The following PCNA variants were observed in gnomAD, a reference collection of about 807,000 sequenced individuals.
PCNA encodes the protein proliferating cell nuclear antigen, also known as DNA sliding clamp PCNA.
Under a neutral mutation model 27.8 loss-of-function variants are expected in PCNA, and 4 were observed. The ratio of observed to expected loss-of-function variants is 0.14; its 90% CI spans 0.07 to 0.33. PCNA has a LOEUF of 0.33. PCNA is among the 10% of genes least tolerant of loss of function. The probability of loss-of-function intolerance (pLI) is 1.00; values close to 1 mark genes in which losing one functional copy is unlikely to be tolerated. For missense variants in PCNA, 165 were observed against 327.4 expected (o/e 0.50, Z 3.83); for synonymous variants, 121 against 119.4 (o/e 1.01, Z -0.09).
At chr20:5,123,281 A>G (rs1436272980), upstream of PCNA, among the ~76,000 whole-genome samples, 1 of 152,232 alleles carries the variant, frequency 6.6e-6, no homozygotes, top group African/African-American at 2.4e-5. Context: ...GATGTGATCC[A>G]ATTTACATTT....
At chr20:5,124,825 T>C (rs910358170), upstream of PCNA, among the ~76,000 whole-genome samples, 6 of 145,682 alleles carry the variant, frequency 4.1e-5, no homozygotes, top group African/African-American at 1.4e-4. Context: ...ATGAGAAGTT[T>C]GTTCAGACCA....
upstream of PCNA, among the ~76,000 whole-genome samples, chr20:5,124,289 G>GT (rs1555778977): frequency 6.6e-6 from 1 of 152,096 alleles, no homozygotes; most frequent in Non-Finnish European, 1.5e-5. Flanking sequence ...GATCTCTAGG[G>GT]TTTTTTCCTA....
At chr20:5,117,913 G>A (rs2090486966) in intron 3 of PCNA, among the ~76,000 whole-genome samples, 1 of 152,212 alleles carries the variant, frequency 6.6e-6, no homozygotes, top group East Asian at 1.9e-4. Flanking sequence ...ATTAGAGTAT[G>A]GCACAGAAAT....
At chr20:5,115,989 C>T (rs372596740) in intron 4 of PCNA, among the ~76,000 whole-genome samples, 1 of 152,092 alleles carries the variant, frequency 6.6e-6, no homozygotes, top group East Asian at 1.9e-4. Flanking sequence ...CTCTCACCCC[C>T]GAAACAAAAC....
intron 4 of PCNA, 138 bp downstream of exon 4, chr20:5,117,332 C>T (rs1289410320): frequency 2.0e-5 from 13 of 643,628 alleles, no homozygotes; most frequent in South Asian, 6.1e-5. Context: ...ATAAATCATT[C>T]GCAGATTTCA....
chr20:5,116,552 T>C (rs990019037), intron 4 of PCNA, among the ~76,000 whole-genome samples: 7 of 152,264 alleles, frequency 4.6e-5, no homozygotes, highest in Non-Finnish European at 7.3e-5. Flanking sequence ...ACACAGCATA[T>C]GCTAAGCTCT....
intron 4 of PCNA, among the ~76,000 whole-genome samples, chr20:5,116,891 T>C (rs1458255874): frequency 6.6e-6 from 1 of 152,218 alleles, no homozygotes; most frequent in Non-Finnish European, 1.5e-5. Flanking sequence ...GCTCTCTAGG[T>C]ACTCTCAAAG....
At position 5,115,164 on chromosome 20, in the gene PCNA, A is replaced by T; in HGVS notation, c.*119T>A. 1 of 656,536 alleles carries T rather than the reference A, an allele frequency of 1.5e-6. No individual in the cohort carries two copies. The allele number at this position is 656,536 out of a possible 1,614,324, so 40.7% of individuals were successfully genotyped here. The stretch of plus-strand genomic sequence containing the variant: ...AAAAATAGGTTATTTACAGAAAACA[A>T]TATCTACATATGTACTTAGAGGTAC... On this transcript the variant is annotated 3_prime_UTR_variant, in exon 6 of 6. Coordinates refer to ENST00000379143, the MANE Select transcript of PCNA (RefSeq NM_182649.2).
intron 4 of PCNA, 92 bp from the exon 5 acceptor site, chr20:5,115,664 A>G (rs1296764310): frequency 7.3e-6 from 8 of 1,091,568 alleles, no homozygotes; most frequent in African/African-American, 6.4e-5. Context: ...AAACACTTGT[A>G]TTGGTCACTT....
chr20:5,115,860 A>G (rs2090471186), intron 4 of PCNA, among the ~76,000 whole-genome samples: 1 of 152,168 alleles, frequency 6.6e-6, no homozygotes, highest in Non-Finnish European at 1.5e-5. Flanking sequence ...AGCTCTGCAA[A>G]CTCTAATTAA....
upstream of PCNA, among the ~76,000 whole-genome samples, chr20:5,120,572 A>G (rs1204343932): frequency 6.6e-6 from 1 of 151,874 alleles, no homozygotes; most frequent in Non-Finnish European, 1.5e-5. Flanking sequence ...AAATGCACTC[A>G]TTCCGTAAAC....
At chr20:5,121,255 A>T (rs1018348162), upstream of PCNA, among the ~76,000 whole-genome samples, 1 of 152,196 alleles carries the variant, frequency 6.6e-6, no homozygotes, top group Non-Finnish European at 1.5e-5. Flanking sequence ...GTATCTAGGT[A>T]TGGAGTTAGT....
intron 3 of PCNA, 72 bp downstream of exon 3, chr20:5,118,538 T>C: frequency 8.8e-7 from 1 of 1,136,576 alleles, no homozygotes; most frequent in South Asian, 1.3e-5. Context: ...TCTGTAAAAA[T>C]AAACAAACAT....
chr20:5,124,198 T>C (rs1240300445), upstream of PCNA, among the ~76,000 whole-genome samples: 7 of 152,174 alleles, frequency 4.6e-5, no homozygotes, highest in African/African-American at 1.7e-4. Flanking sequence ...GGAGTATACA[T>C]TGGTATAATT....
chr20:5,123,515 T>G (rs977943530), upstream of PCNA, among the ~76,000 whole-genome samples: 9 of 152,086 alleles, frequency 5.9e-5, no homozygotes, highest in African/African-American at 1.7e-4. Flanking sequence ...GCCAACATGG[T>G]GAAACCCCGT....
chr20:5,119,934 T>G lies in PCNA; in HGVS notation c.-136A>C, dbSNP rs1299729935. The stretch of plus-strand genomic sequence containing the variant: ...TGAGACCTAGAAAGACAACGACCAC[T>G]CTGCTACGCCTGCAACCGTTTAATG... On this transcript the variant is annotated 5_prime_UTR_variant, in exon 1 of 6. Transcript: ENST00000379143. The G allele has an allele frequency of 4.7e-5, 32 of 683,328 alleles. No homozygotes were observed. Among genetic ancestry groups the G allele is most frequent in the Non-Finnish European group, 7.8e-5 (31 of 398,156 alleles). 42.3% of individuals were successfully genotyped at this position (683,328 alleles called of 1,614,324 possible).
rs2090502359 is a variant in PCNA, at chr20:5,119,564, G to T, written c.221+14C>A. ...GGCGGGCCGGGGCCGGCTTCCCGGG[G>T]CCGCGAGGCTCACCTGGTGAGGTTC... is the stretch of plus-strand genomic sequence containing the variant. On this transcript the variant is annotated intron_variant, in intron 1 of 5. Coordinates refer to ENST00000379143, the MANE Select transcript of PCNA (RefSeq NM_182649.2). 2.5e-6 allele frequency: 4 copies of T among 1,603,006 alleles called. 1 individual carries two copies. Among genetic ancestry groups the T allele is most frequent in the South Asian group, 1.1e-5 (1 of 90,058 alleles).
In PCNA at chr20:5,115,188, A is replaced by G; in HGVS notation, c.*95T>C. 1 of 806,660 alleles carries G rather than the reference A, an allele frequency of 1.2e-6. No individual in the cohort carries two copies. Among genetic ancestry groups the G allele is most frequent in the Non-Finnish European group, 2.1e-6 (1 of 479,742 alleles). 50.0% of individuals were successfully genotyped at this position (806,660 alleles called of 1,614,324 possible). A position where few individuals can be genotyped will look rare whatever the true frequency, so the allele number is the denominator to read the frequency against. Reference sequence around the variant, plus strand: ...AATATCTACATATGTACTTAGAGGTACAAATTTGGTGACAGAAAAGACTTC... The same window carrying G: ...AATATCTACATATGTACTTAGAGGTGCAAATTTGGTGACAGAAAAGACTTC... On this transcript the variant is annotated 3_prime_UTR_variant, in exon 6 of 6. Coordinates refer to ENST00000379143, the MANE Select transcript of PCNA (RefSeq NM_182649.2).
upstream of PCNA, among the ~76,000 whole-genome samples, chr20:5,124,525 G>A (rs1191908301): frequency 2.6e-5 from 4 of 152,026 alleles, no homozygotes; most frequent in East Asian, 5.8e-4. Flanking sequence ...AGCTACTCGG[G>A]AGGCTGAGAC....
Sources: allele counts gnomAD v4.1 joint callset (sites outside exome capture counted in the v4.1 genomes callset), GRCh38; gene constraint gnomAD v4.1.1; transcripts MANE v1.5; gene names NCBI Gene and HGNC (gene_info 2026-07-23, HGNC 2026-07-21).